DPP10: variants seen among roughly 807,000 people sequenced by gnomAD.
DPP10 encodes the protein inactive dipeptidyl peptidase 10.
A neutral mutation model predicts 120.9 loss-of-function variants in DPP10; 33 were observed. That is an observed-to-expected ratio of 0.27 (90% CI 0.21 to 0.37). The LOEUF is 0.37. Among genes scored for constraint, DPP10 ranks in the 10% least tolerant of loss-of-function variants. The probability of loss-of-function intolerance (pLI) is 1.00; values close to 1 mark genes in which losing one functional copy is unlikely to be tolerated. For synonymous variants in DPP10, 337 were observed against 326.1 expected, an observed-to-expected ratio of 1.03 and a Z score of -0.36; for missense variants, 816 against 942.8, an observed-to-expected ratio of 0.87 and a Z score of 1.76.
chr2:115,268,204 A>G (rs2059541042), intron 1 of DPP10, among the ~76,000 whole-genome samples: 1 of 152,196 alleles, frequency 6.6e-6, no homozygotes, highest in African/African-American at 2.4e-5. Flanking sequence ...TTTGCACTTT[A>G]TATGGCTCAT....
At chr2:115,673,809 C>T (rs2090080219) in intron 5 of DPP10, among the ~76,000 whole-genome samples, 1 of 152,170 alleles carries the variant, frequency 6.6e-6, no homozygotes, top group Non-Finnish European at 1.5e-5. Context: ...ATAGTCTGAA[C>T]TAAAAATGTC....
At chr2:115,609,487 A>G (rs745919276) in intron 5 of DPP10, among the ~76,000 whole-genome samples, 1 of 152,170 alleles carries the variant, frequency 6.6e-6, no homozygotes, top group Non-Finnish European at 1.5e-5. Context: ...AGTCCCAGAG[A>G]GTAACTAACC....
chr2:115,561,223 G>A (rs1488629251), intron 5 of DPP10, among the ~76,000 whole-genome samples: 1 of 151,828 alleles, frequency 6.6e-6, no homozygotes, highest in Non-Finnish European at 1.5e-5. Flanking sequence ...GCCGGGCTTG[G>A]TGGCACGCAC....
intron 3 of DPP10, among the ~76,000 whole-genome samples, chr2:115,451,829 T>C (rs2073131479): frequency 6.6e-6 from 1 of 151,942 alleles, no homozygotes; most frequent in Non-Finnish European, 1.5e-5. Context: ...AAATGTAAGT[T>C]TTTTGAAGGA....
chr2:115,444,298 T>A (rs1316879013), intron 3 of DPP10, among the ~76,000 whole-genome samples: 1 of 152,240 alleles, frequency 6.6e-6, no homozygotes, highest in Non-Finnish European at 1.5e-5. Context: ...AGTAACACAT[T>A]CTGTTTATGT....
chr2:114,616,700 G>A (rs1232781803), intron 1 of DPP10, among the ~76,000 whole-genome samples: 1 of 152,072 alleles, frequency 6.6e-6, no homozygotes, highest in African/African-American at 2.4e-5. Flanking sequence ...TAAGGAAGTG[G>A]TCATCAATAA....
chr2:115,416,060 A>G (rs948812869), intron 3 of DPP10, among the ~76,000 whole-genome samples: 8 of 151,894 alleles, frequency 5.3e-5, no homozygotes, highest in African/African-American at 1.9e-4. Context: ...TGGTTACTCT[A>G]TCTTCTCAGA....
chr2:115,508,567 T>C (rs769311902), intron 4 of DPP10, among the ~76,000 whole-genome samples: 1 of 152,214 alleles, frequency 6.6e-6, no homozygotes, highest in Non-Finnish European at 1.5e-5. Flanking sequence ...TTCTAATGCA[T>C]TGGCTGTATC....
At chr2:115,188,687 T>C (rs572630372) in intron 1 of DPP10, among the ~76,000 whole-genome samples, 1 of 152,316 alleles carries the variant, frequency 6.6e-6, no homozygotes, top group Non-Finnish European at 1.5e-5. Context: ...TAGTGAATAC[T>C]GTCATGGGAA....
chr2:115,198,618 C>G (rs918432942), intron 1 of DPP10, among the ~76,000 whole-genome samples: 19 of 152,180 alleles, frequency 1.2e-4, no homozygotes, highest in Admixed American at 9.2e-4. Context: ...TCCAGTGATT[C>G]TTTCCCTAGA....
chr2:114,520,588 A>G (rs1334447816), intron 1 of DPP10, among the ~76,000 whole-genome samples: 1 of 152,250 alleles, frequency 6.6e-6, no homozygotes, highest in African/African-American at 2.4e-5. Context: ...AGATGATTGC[A>G]TAAGGACATT....
At chr2:114,762,535 C>G (rs1345179177) in intron 1 of DPP10, among the ~76,000 whole-genome samples, 1 of 152,058 alleles carries the variant, frequency 6.6e-6, no homozygotes, top group South Asian at 2.1e-4. Flanking sequence ...TTGAGTAGTC[C>G]CATGGAATAT....
At chr2:115,178,722 C>G (rs1371687976) in intron 1 of DPP10, among the ~76,000 whole-genome samples, 1 of 152,172 alleles carries the variant, frequency 6.6e-6, no homozygotes, top group African/African-American at 2.4e-5. Context: ...ATGTTGGCAT[C>G]CACTTCAATG....
intron 1 of DPP10, among the ~76,000 whole-genome samples, chr2:115,111,200 C>A (rs545613055): frequency 6.6e-6 from 1 of 151,532 alleles, no homozygotes; most frequent in Non-Finnish European, 1.5e-5. Flanking sequence ...AACTCATGTT[C>A]ATAATCATCC....
intron 1 of DPP10, among the ~76,000 whole-genome samples, chr2:115,006,961 C>G (rs977034799): frequency 6.4e-4 from 97 of 152,142 alleles, no homozygotes; most frequent in Non-Finnish European, 1.2e-3. Flanking sequence ...TGACCACATA[C>G]TTGGAAGTAA....
chr2:114,921,879 G>C (rs1170952955), intron 1 of DPP10, among the ~76,000 whole-genome samples: 1 of 152,122 alleles, frequency 6.6e-6, no homozygotes, highest in East Asian at 1.9e-4. Context: ...CAAAGCAGCA[G>C]GTATATAAAA....
chr2:115,744,445 G>A (rs1677689990), intron 9 of DPP10, among the ~76,000 whole-genome samples: 1 of 150,404 alleles, frequency 6.6e-6, no homozygotes, highest in Non-Finnish European at 1.5e-5. Flanking sequence ...ATGTTCCCGG[G>A]CACTGTTGGG....
chr2:115,228,502 C>T lies in DPP10; in HGVS notation c.61-80737C>T, dbSNP rs1413797578. 2.0e-5 allele frequency among the ~76,000 whole-genome samples: 3 copies of T among 152,144 alleles called. No homozygotes were observed. The Middle Eastern group carries it at 0.01, about 517-fold the overall frequency. Reference sequence around the variant, plus strand: ...ACCCACTAACAAAACCCGCTTCAATCCCCCCTCCAGCCACTACCACACTAC... The same window carrying T: ...ACCCACTAACAAAACCCGCTTCAATTCCCCCTCCAGCCACTACCACACTAC... On this transcript the variant is annotated intron_variant, in intron 1 of 25. Coordinates refer to ENST00000410059, the MANE Select transcript of DPP10 (RefSeq NM_020868.6).
At chr2:115,602,388 C>A (rs1167291222) in intron 5 of DPP10, among the ~76,000 whole-genome samples, 1 of 152,152 alleles carries the variant, frequency 6.6e-6, no homozygotes, top group Non-Finnish European at 1.5e-5. Flanking sequence ...CTTTTAAAGA[C>A]CTTACAATCA....
Sources: gnomAD v4.1 joint callset for allele counts (sites outside exome capture counted in the v4.1 genomes callset) on GRCh38, gnomAD v4.1.1 for gene constraint, MANE v1.5 for transcripts, NCBI Gene and HGNC (gene_info 2026-07-23, HGNC 2026-07-21) for gene names.